UBE3D: variants seen among roughly 807,000 people sequenced by gnomAD.
The protein encoded by UBE3D is ubiquitin protein ligase E3D.
UBE3D carries 48 observed loss-of-function variants against 49.6 expected under a neutral mutation model. The ratio of observed to expected loss-of-function variants is 0.97; its 90% CI spans 0.77 to 1.23. UBE3D has a LOEUF of 1.23. Among genes scored for constraint, UBE3D ranks in the 50% most tolerant of loss-of-function variants. The pLI is 0.00. For missense variants in UBE3D, 452 were observed against 468.4 expected, an observed-to-expected ratio of 0.96 and a Z score of 0.32; for synonymous variants, 189 against 174.2, an observed-to-expected ratio of 1.08 and a Z score of -0.67.
chr6:82,954,616 TCTG>T (rs1776031291), intron 9 of UBE3D, among the ~76,000 whole-genome samples: 1 of 152,202 alleles, frequency 6.6e-6, no homozygotes, highest in African/African-American at 2.4e-5. Flanking sequence ...CAAGTGTCAT[TCTG>T]CTATTTTATA....
At chr6:82,977,294 T>C (rs1210222405) in intron 8 of UBE3D, among the ~76,000 whole-genome samples, 1 of 152,086 alleles carries the variant, frequency 6.6e-6, no homozygotes, top group East Asian at 1.9e-4. Flanking sequence ...TTTTTCTGTA[T>C]TACTCTATAG....
chr6:83,011,616 A>G (rs573336463), intron 8 of UBE3D, among the ~76,000 whole-genome samples: 3 of 152,244 alleles, frequency 2.0e-5, no homozygotes, highest in African/African-American at 7.2e-5. Context: ...GTCCAGGTCA[A>G]TCACCCCGGC....
In UBE3D at chr6:83,038,502, T is replaced by C. The variant is rs1471094971; in HGVS notation, c.598-17A>G. 2.5e-6 allele frequency: 4 copies of C among 1,598,298 alleles called. No individual in the cohort carries two copies. Among genetic ancestry groups the C allele is most frequent in the African/African-American group, 2.7e-5 (2 of 74,274 alleles). On this transcript the variant is annotated splice_polypyrimidine_tract_variant and intron_variant, in intron 4 of 9. Coordinates refer to ENST00000369747, the MANE Select transcript of UBE3D (RefSeq NM_198920.3). The stretch of plus-strand genomic sequence containing the variant: ...CTTTGGTTCCTGTAGAACAGAAAAA[T>C]GTCATTTAAATGTCATTCAGCTTTT...
chr6:83,021,835 C>T (rs751565980), intron 7 of UBE3D, among the ~76,000 whole-genome samples: 6 of 151,780 alleles, frequency 4.0e-5, no homozygotes, highest in Non-Finnish European at 8.8e-5. Flanking sequence ...CGCCACTGCA[C>T]TCCAGTCTGA....
intron 8 of UBE3D, among the ~76,000 whole-genome samples, chr6:82,982,138 C>G (rs2127719929): frequency 6.6e-6 from 1 of 152,280 alleles, no homozygotes; most frequent in East Asian, 1.9e-4. Flanking sequence ...CATCACCCAG[C>G]TTCATCAACA....
In UBE3D at chr6:82,940,557, G is replaced by A. The variant is rs113490540; in HGVS notation, c.1149+16755C>T. Among the ~76,000 whole-genome samples, 720 of 152,282 alleles carry A rather than the reference G, an allele frequency of 4.7e-3. 8 individuals are homozygous for A. The highest frequency in any genetic ancestry group is 0.015 in the African/African-American group (644 of 41,560). On this transcript the variant is annotated intron_variant, in intron 9 of 9. Coordinates refer to ENST00000369747, the MANE Select transcript of UBE3D (RefSeq NM_198920.3). ...CATCTCAGTTTCCTGGGATGCACAC[G>A]TGGATTACCACAAGTGCTGAGTGAA...
At chr6:83,059,081 C>A (rs1214373488) in intron 1 of UBE3D, among the ~76,000 whole-genome samples, 1 of 151,948 alleles carries the variant, frequency 6.6e-6, no homozygotes, top group Non-Finnish European at 1.5e-5. Context: ...AAAAAACAAC[C>A]CTTAAAAAAT....
chr6:83,022,317 G>T, intron 7 of UBE3D, 136 bp downstream of exon 7: 1 of 589,866 alleles, frequency 1.7e-6, no homozygotes, highest in Non-Finnish European at 2.7e-6. Context: ...ATAAGCCACC[G>T]TGCCCAGCCT....
chr6:82,887,389 G>GTTTTTGTTTTGTTTTGTTTT, the UBE3D span, among the ~76,000 whole-genome samples: 9 of 98,368 alleles, frequency 9.1e-5, no homozygotes, highest in East Asian at 2.9e-4. Flanking sequence ...GACAGTAACA[G>GTTTTTGTTTTGTTTTGTTTT]TTTTTTTTTT....
chr6:82,960,556 C>T (rs1776476528), intron 8 of UBE3D, among the ~76,000 whole-genome samples: 1 of 151,234 alleles, frequency 6.6e-6, no homozygotes, highest in Non-Finnish European at 1.5e-5. Context: ...TGCCTAATAC[C>T]ATACTTATAT....
intron 9 of UBE3D, among the ~76,000 whole-genome samples, chr6:82,908,188 G>A (rs145115775): frequency 3.3e-4 from 50 of 152,262 alleles, no homozygotes; most frequent in African/African-American, 1.2e-3. Context: ...AAAGAGGAAC[G>A]ATTAACTGCA....
chr6:83,027,471 A>G (rs976925886), intron 5 of UBE3D, among the ~76,000 whole-genome samples: 16 of 149,246 alleles, frequency 1.1e-4, no homozygotes, highest in Non-Finnish European at 1.8e-4. Flanking sequence ...AGAAACCACT[A>G]GTATTGAATT....
rs770133985 is a variant in UBE3D at position 83,018,947 on chromosome 6, A to G, written c.1010+26T>C. 138 of 1,610,012 alleles carry G rather than the reference A, an allele frequency of 8.6e-5. 1 individual carries two copies. The highest frequency in any genetic ancestry group is 1.1e-4 in the Non-Finnish European group (125 of 1,178,924). On this transcript the variant is annotated intron_variant, in intron 8 of 9. Transcript: ENST00000369747. ...CAACAAAAGCTAAAACATAATGTGG[A>G]AAGAGAAAACAAATGCACAACTTAC...
intron 4 of UBE3D, among the ~76,000 whole-genome samples, chr6:83,043,103 T>C (rs2127817368): frequency 6.6e-6 from 1 of 152,334 alleles, no homozygotes. Flanking sequence ...AAGATAGCTG[T>C]TTACTATGAA....
intron 9 of UBE3D, among the ~76,000 whole-genome samples, chr6:82,931,011 C>G (rs1335029929): frequency 6.6e-6 from 1 of 152,156 alleles, no homozygotes; most frequent in Non-Finnish European, 1.5e-5. Context: ...GTGGGCCAGG[C>G]CCAGGGCTGC....
intron 9 of UBE3D, among the ~76,000 whole-genome samples, chr6:82,915,423 G>A (rs293492): frequency 0.67 from 102,075 of 152,086 alleles, 34,788 homozygotes; most frequent in East Asian, 0.79. Flanking sequence ...TACAAAATTC[G>A]AGTATAAATA....
downstream of UBE3D, among the ~76,000 whole-genome samples, chr6:82,887,717 A>AAAAG: frequency 6.6e-6 from 1 of 151,922 alleles, no homozygotes; most frequent in African/African-American, 2.4e-5. Flanking sequence ...CCCCCAAAAA[A>AAAAG]AAAGAAAGAA....
chr6:82,992,361 T>G (rs1778951891), intron 8 of UBE3D, among the ~76,000 whole-genome samples: 1 of 151,972 alleles, frequency 6.6e-6, no homozygotes, highest in South Asian at 2.1e-4. Flanking sequence ...TAGCTAGGAT[T>G]ACAGGTGCCT....
intron 8 of UBE3D, among the ~76,000 whole-genome samples, chr6:82,992,366 G>A (rs1778952126): frequency 6.6e-6 from 1 of 151,936 alleles, no homozygotes; most frequent in Non-Finnish European, 1.5e-5. Flanking sequence ...AGGATTACAG[G>A]TGCCTGCCAC....
Sources: allele counts gnomAD v4.1 joint callset (sites outside exome capture counted in the v4.1 genomes callset), GRCh38; gene constraint gnomAD v4.1.1; transcripts MANE v1.5; gene names NCBI Gene and HGNC (gene_info 2026-07-23, HGNC 2026-07-21).